Variants in SSH2 observed in about 807,000 individuals in gnomAD.
The protein encoded by SSH2 is protein phosphatase Slingshot homolog 2.
Under a neutral mutation model 135.2 loss-of-function variants are expected in SSH2, and 37 were observed. That is an observed-to-expected ratio of 0.27 (90% CI 0.21 to 0.36). The LOEUF is 0.36. SSH2 is among the 10% of genes least tolerant of loss of function. The pLI, the probability that SSH2 is intolerant of heterozygous loss-of-function variation, is 1.00. For missense variants in SSH2, 1,408 were observed against 1,765.3 expected (o/e 0.80, Z 3.63); for synonymous variants, 628 against 646.2 (o/e 0.97, Z 0.43).
At chr17:29,673,930 T>G (rs973238220) in intron 8 of SSH2, 12 of 315,816 alleles carry the variant, frequency 3.8e-5, no homozygotes, top group Non-Finnish European at 7.0e-5. Context: ...AATCATTTGT[T>G]TTTTATTTTT....
At chr17:29,682,499 G>A (rs940531898) in intron 6 of SSH2, among the ~76,000 whole-genome samples, 3 of 152,156 alleles carry the variant, frequency 2.0e-5, no homozygotes, top group African/African-American at 7.2e-5. Flanking sequence ...AAAAAGACAC[G>A]TGCATGCTGT....
chr17:29,735,718 A>T (rs911810932), intron 3 of SSH2, among the ~76,000 whole-genome samples: 15 of 149,202 alleles, frequency 1.0e-4, no homozygotes, highest in Non-Finnish European at 4.5e-5. Flanking sequence ...AAAAAAAAGT[A>T]AGTAAAGAAA....
intron 12 of SSH2, among the ~76,000 whole-genome samples, chr17:29,651,783 G>T (rs1257244948): frequency 1.3e-5 from 2 of 152,098 alleles, no homozygotes; most frequent in Non-Finnish European, 2.9e-5. Flanking sequence ...TCTCAGACAC[G>T]AATTGAATCT....
At chr17:29,777,356 A>C (rs1245555466) in intron 3 of SSH2, among the ~76,000 whole-genome samples, 1 of 152,150 alleles carries the variant, frequency 6.6e-6, no homozygotes. Context: ...ATACTTATGG[A>C]TTATTGAGAA....
At chr17:29,773,036 TC>T (rs1424304508) in intron 3 of SSH2, among the ~76,000 whole-genome samples, 1 of 151,124 alleles carries the variant, frequency 6.6e-6, no homozygotes, top group East Asian at 1.9e-4. Flanking sequence ...CATCCATCCA[TC>T]CATCCATCCA....
At chr17:29,845,505 A>G (rs1162751211) in intron 2 of SSH2, among the ~76,000 whole-genome samples, 1 of 152,242 alleles carries the variant, frequency 6.6e-6, no homozygotes, top group Non-Finnish European at 1.5e-5. Context: ...TCTTGAGGAA[A>G]AGACGACAAC....
intron 1 of SSH2, among the ~76,000 whole-genome samples, chr17:29,855,531 C>G (rs2151396587): frequency 6.6e-6 from 1 of 151,894 alleles, no homozygotes; most frequent in Admixed American, 6.6e-5. Flanking sequence ...AATATACTAT[C>G]AGACATCAAA....
intron 3 of SSH2, among the ~76,000 whole-genome samples, chr17:29,738,042 A>G (rs2040429598): frequency 1.3e-5 from 2 of 152,088 alleles, no homozygotes; most frequent in East Asian, 3.9e-4. Flanking sequence ...CTTGTCATTT[A>G]CATTAGGTAT....
chr17:29,714,063 T>C (rs1279050617), intron 3 of SSH2, among the ~76,000 whole-genome samples: 1 of 152,176 alleles, frequency 6.6e-6, no homozygotes, highest in Non-Finnish European at 1.5e-5. Flanking sequence ...TCAACAAAGC[T>C]TCTTGGTCCT....
In SSH2 at chr17:29,644,500, T is replaced by C. The variant is rs11867376; in HGVS notation, c.1427+3644A>G. On this transcript the variant is annotated intron_variant, in intron 14 of 15. Coordinates refer to ENST00000540801, the MANE Select transcript of SSH2 (RefSeq NM_001282129.2). ...TCCACTACAATGCCACACTTGTAAATAGTCCCTTTATAAAACTCTCCTCAA... is the reference window on the plus strand; with the variant it reads ...TCCACTACAATGCCACACTTGTAAACAGTCCCTTTATAAAACTCTCCTCAA... Among the ~76,000 whole-genome samples, 971 of 152,240 alleles carry C rather than the reference T, an allele frequency of 6.4e-3. 8 individuals are homozygous for C. Among genetic ancestry groups the C allele is most frequent in the African/African-American group, 0.022 (921 of 41,540 alleles).
intron 13 of SSH2, 85 bp from the exon 14 acceptor site, chr17:29,648,429 G>A: frequency 1.8e-6 from 2 of 1,088,056 alleles, no homozygotes; most frequent in East Asian, 2.6e-5. Context: ...TTTTCCAAGT[G>A]TCCTGTCCTG....
chr17:29,643,599 TC>T (rs2036253723), intron 14 of SSH2, among the ~76,000 whole-genome samples: 1 of 152,000 alleles, frequency 6.6e-6, no homozygotes, highest in Non-Finnish European at 1.5e-5. Flanking sequence ...GTTCAATGAT[TC>T]CCCTGCCTCA....
chr17:29,728,197 A>C (rs1245275943), intron 3 of SSH2, among the ~76,000 whole-genome samples: 1 of 152,214 alleles, frequency 6.6e-6, no homozygotes, highest in Non-Finnish European at 1.5e-5. Context: ...CTGATAAACA[A>C]ATTCAGTAAA....
chr17:29,807,231 C>T (rs1337194303), intron 2 of SSH2, among the ~76,000 whole-genome samples: 1 of 152,056 alleles, frequency 6.6e-6, no homozygotes, highest in African/African-American at 2.4e-5. Context: ...TTTCAAACTA[C>T]AAAGTAGGGA....
intron 13 of SSH2, among the ~76,000 whole-genome samples, chr17:29,648,867 G>A (rs887329354): frequency 1.3e-4 from 20 of 152,130 alleles, no homozygotes; most frequent in African/African-American, 4.8e-4. Flanking sequence ...CAGACTGGGC[G>A]CAGCGGCTCA....
intron 15 of SSH2, among the ~76,000 whole-genome samples, chr17:29,634,559 A>ATTG (rs1408298005): frequency 6.6e-6 from 1 of 151,948 alleles, no homozygotes; most frequent in Non-Finnish European, 1.5e-5. Flanking sequence ...TATTATTATT[A>ATTG]TTATTATTTT....
intron 4 of SSH2, among the ~76,000 whole-genome samples, chr17:29,698,443 G>A (rs1167664920): frequency 2.6e-5 from 4 of 152,058 alleles, no homozygotes; most frequent in South Asian, 2.1e-4. Context: ...AAAAGCTACC[G>A]GAGTTACAAG....
At position 29,626,780 on chromosome 17, in the gene SSH2, C is replaced by T. The variant is rs1195902327; in HGVS notation, c.*4061G>A. 2.0e-5 allele frequency: 3 copies of T among 152,622 alleles called. No homozygotes were observed. Among genetic ancestry groups the T allele is most frequent in the Non-Finnish European group, 4.4e-5 (3 of 68,046 alleles). 9.5% of individuals were successfully genotyped at this position (152,622 alleles called of 1,614,324 possible). A position where few individuals can be genotyped will look rare whatever the true frequency, so the allele number is the denominator to read the frequency against. On this transcript the variant is annotated 3_prime_UTR_variant, in exon 16 of 16. Transcript: ENST00000540801. The stretch of plus-strand genomic sequence containing the variant: ...AATATGGGTGTCAGAGGAGTTGAGG[C>T]AGCAAATATGCTTGTGTCTAATACA...
At chr17:29,846,558 G>A (rs755603295) in intron 2 of SSH2, among the ~76,000 whole-genome samples, 18 of 152,290 alleles carry the variant, frequency 1.2e-4, no homozygotes, top group African/African-American at 2.9e-4. Context: ...ATCAGTTAAC[G>A]TTTGCAAGCA....
Sources: gnomAD v4.1 joint callset for allele counts (sites outside exome capture counted in the v4.1 genomes callset) on GRCh38, gnomAD v4.1.1 for gene constraint, MANE v1.5 for transcripts, NCBI Gene and HGNC (gene_info 2026-07-23, HGNC 2026-07-21) for gene names.